Variants in LRP1B observed in about 807,000 individuals in gnomAD.
The protein encoded by LRP1B is LDL receptor related protein 1B.
In LRP1B, 217 loss-of-function variants were observed where a neutral mutation model predicts 556.6. The ratio of observed to expected loss-of-function variants is 0.39; its 90% CI spans 0.35 to 0.44. The LOEUF is 0.44. Ranked by LOEUF, LRP1B falls within the 20% of genes least tolerant of loss-of-function variation. LRP1B has a pLI of 1.00. For missense variants in LRP1B, 5,053 were observed against 5,620.8 expected (o/e 0.90, Z 3.23); for synonymous variants, 2,047 against 1,865.8 (o/e 1.10, Z -2.50).
intron 3 of LRP1B, among the ~76,000 whole-genome samples, chr2:141,475,893 C>A (rs962519239): frequency 3.3e-5 from 5 of 152,162 alleles, no homozygotes; most frequent in Non-Finnish European, 7.3e-5. Context: ...AAATCTCCTT[C>A]ATTTACCATC....
intron 1 of LRP1B, among the ~76,000 whole-genome samples, chr2:141,903,889 T>TA (rs1699688058): frequency 6.6e-6 from 1 of 151,884 alleles, no homozygotes; most frequent in African/African-American, 2.4e-5. Context: ...AATCAGAGGA[T>TA]AATGTTCAAG....
intron 17 of LRP1B, among the ~76,000 whole-genome samples, chr2:140,985,456 A>G (rs1349651621): frequency 6.6e-6 from 1 of 151,424 alleles, no homozygotes; most frequent in East Asian, 1.9e-4. Context: ...GTGGGGAGAA[A>G]TGTTGATATG....
intron 2 of LRP1B, among the ~76,000 whole-genome samples, chr2:141,702,899 T>C (rs1165899887): frequency 6.6e-6 from 1 of 151,920 alleles, no homozygotes; most frequent in Non-Finnish European, 1.5e-5. Context: ...GTTGTGCTAA[T>C]TGCTCCCATT....
intron 82 of LRP1B, among the ~76,000 whole-genome samples, chr2:140,320,701 T>G (rs1177149777): frequency 6.6e-6 from 1 of 152,072 alleles, no homozygotes; most frequent in Non-Finnish European, 1.5e-5. Flanking sequence ...GTGCTGTGAT[T>G]ACAGGTGTGA....
chr2:140,375,567 A>G (rs1683188934), intron 68 of LRP1B, among the ~76,000 whole-genome samples: 1 of 152,110 alleles, frequency 6.6e-6, no homozygotes, highest in Non-Finnish European at 1.5e-5. Flanking sequence ...TTAATAAGAG[A>G]GGATTTTACT....
intron 1 of LRP1B, among the ~76,000 whole-genome samples, chr2:141,965,767 G>A (rs370455727): frequency 2.4e-4 from 26 of 107,840 alleles, no homozygotes; most frequent in African/African-American, 7.2e-4. Flanking sequence ...AATAATAATA[G>A]TAATAATAAA....
At chr2:140,564,147 T>C (rs956918408) in intron 43 of LRP1B, among the ~76,000 whole-genome samples, 2 of 152,176 alleles carry the variant, frequency 1.3e-5, no homozygotes. Context: ...TAATGGAAGA[T>C]TTAATTAGAT....
intron 4 of LRP1B, among the ~76,000 whole-genome samples, chr2:141,253,287 T>C (rs1245671289): frequency 6.6e-6 from 1 of 152,148 alleles, no homozygotes; most frequent in Non-Finnish European, 1.5e-5. Context: ...TTGTGTGCAA[T>C]TTTCTGATTT....
chr2:141,955,244 ATT>A (rs1403813692), intron 1 of LRP1B, among the ~76,000 whole-genome samples: 1 of 152,038 alleles, frequency 6.6e-6, no homozygotes. Flanking sequence ...TCTCTCCTAA[ATT>A]TGTCATTCAT....
intron 4 of LRP1B, among the ~76,000 whole-genome samples, chr2:141,249,459 T>A (rs1684184683): frequency 6.6e-6 from 1 of 152,142 alleles, no homozygotes; most frequent in African/African-American, 2.4e-5. Flanking sequence ...TAGCCAGGCA[T>A]GGTGGTGTAC....
chr2:141,652,438 A>G (rs951337081), intron 2 of LRP1B, among the ~76,000 whole-genome samples: 3 of 152,240 alleles, frequency 2.0e-5, no homozygotes, highest in African/African-American at 7.2e-5. Flanking sequence ...GATAAATGGA[A>G]ATCAAGACAT....
chr2:140,387,345 A>G (rs2105201626), intron 66 of LRP1B, among the ~76,000 whole-genome samples: 1 of 152,332 alleles, frequency 6.6e-6, no homozygotes, highest in East Asian at 1.9e-4. Context: ...GCATCTATTG[A>G]GGATCCAGCC....
intron 1 of LRP1B, among the ~76,000 whole-genome samples, chr2:141,930,237 T>C (rs1050116883): frequency 1.3e-5 from 2 of 152,080 alleles, no homozygotes; most frequent in South Asian, 2.1e-4. Context: ...GTAATAGTTA[T>C]AACCAGTTCC....
At chr2:141,241,709 AGCTACTTTTTT>A (rs1178091629) in intron 5 of LRP1B, among the ~76,000 whole-genome samples, 1 of 151,962 alleles carries the variant, frequency 6.6e-6, no homozygotes, top group East Asian at 1.9e-4. Flanking sequence ...TCAGGCATTG[AGCTACTTTTTT>A]GCTACTTTCT....
intron 83 of LRP1B, among the ~76,000 whole-genome samples, chr2:140,308,917 A>G (rs1251427008): frequency 6.6e-6 from 1 of 151,736 alleles, no homozygotes; most frequent in Non-Finnish European, 1.5e-5. Flanking sequence ...ACAAAGTACC[A>G]CTGTGTCATC....
At chr2:141,936,149 A>C (rs1376117323) in intron 1 of LRP1B, among the ~76,000 whole-genome samples, 2 of 152,198 alleles carry the variant, frequency 1.3e-5, no homozygotes, top group African/African-American at 4.8e-5. Context: ...ATTCTGTATA[A>C]GATCAGACAC....
chr2:140,342,650 A>T (rs1681453814), intron 77 of LRP1B, among the ~76,000 whole-genome samples: 1 of 151,506 alleles, frequency 6.6e-6, no homozygotes, highest in South Asian at 2.1e-4. Flanking sequence ...AAAGAATAGG[A>T]TGGGGACTCC....
At chr2:140,881,431 T>A (rs970102161) in intron 25 of LRP1B, among the ~76,000 whole-genome samples, 1 of 152,118 alleles carries the variant, frequency 6.6e-6, no homozygotes, top group African/African-American at 2.4e-5. Flanking sequence ...ATGTATATTT[T>A]AAAATGTGCT....
intron 67 of LRP1B, among the ~76,000 whole-genome samples, chr2:140,384,559 T>G (rs1313848247): frequency 1.3e-5 from 2 of 152,192 alleles, no homozygotes; most frequent in Non-Finnish European, 2.9e-5. Flanking sequence ...GTTTCTATAT[T>G]CAGGGTATTC....
Sources: gnomAD v4.1 joint callset for allele counts (sites outside exome capture counted in the v4.1 genomes callset) on GRCh38, gnomAD v4.1.1 for gene constraint, MANE v1.5 for transcripts, NCBI Gene and HGNC (gene_info 2026-07-23, HGNC 2026-07-21) for gene names.